Variants in GNL3L observed in about 807,000 individuals in gnomAD.
The protein encoded by GNL3L is G protein nucleolar 3 like.
In GNL3L, 4 loss-of-function variants were observed where a neutral mutation model predicts 42.9. The observed-to-expected ratio is 0.09, with a 90% CI of 0.05 to 0.21. The LOEUF is 0.21. Ranked by LOEUF, GNL3L falls within the 10% of genes least tolerant of loss-of-function variation. The pLI is 1.00. For missense variants in GNL3L, 412 were observed against 481.7 expected (o/e 0.86, Z 1.36); for synonymous variants, 159 against 176.3 (o/e 0.90, Z 0.78).
intron 9 of GNL3L, among the ~76,000 whole-genome samples, chrX:54,548,924 C>T (rs961800160): frequency 2.7e-5 from 3 of 110,984 alleles, no homozygotes; most frequent in East Asian, 5.7e-4. Flanking sequence ...ACACAGAGAA[C>T]GCACTGGGAA....
In GNL3L at chrX:54,562,794, GAA is replaced by G. The variant is rs375010796; in HGVS notation, c.*2206_*2207del. On this transcript the variant is annotated 3_prime_UTR_variant, in exon 16 of 16. Transcript: ENST00000360845. The stretch of plus-strand genomic sequence containing the variant: ...GGGGACAGAGTGAGACTTCGTCTCG[GAA>G]AAAAAAAAAAAAAGTTGACAGGATG... Among the ~76,000 whole-genome samples the G allele has an allele frequency of 7.4e-5, 7 of 94,387 alleles. No individual in the cohort carries two copies. Among genetic ancestry groups the G allele is most frequent in the Non-Finnish European group, 8.6e-5 (4 of 46,708 alleles). The allele number at this position is 94,387 out of a possible 115,157, so 82.0% of individuals were successfully genotyped here. A position where few individuals can be genotyped will look rare whatever the true frequency, so the allele number is the denominator to read the frequency against.
chrX:54,552,042 T>G, intron 12 of GNL3L, 68 bp downstream of exon 12: 2 of 1,122,495 alleles, frequency 1.8e-6, no homozygotes, highest in Non-Finnish European at 2.4e-6. Context: ...GGCTCATCTG[T>G]GCTCATTGCC....
the GNL3L span, among the ~76,000 whole-genome samples, chrX:54,638,220 G>A: frequency 9.0e-6 from 1 of 110,941 alleles, no homozygotes; most frequent in African/African-American, 3.3e-5. Context: ...GATCACATGA[G>A]GCCACAAACA....
chrX:54,626,802 G>A, the GNL3L span, among the ~76,000 whole-genome samples: 5 of 111,596 alleles, frequency 4.5e-5, no homozygotes, highest in African/African-American at 1.6e-4. Context: ...GTTGCCATTT[G>A]TATGTCTTCT....
At chrX:54,530,634 TAGTG>T (rs1206544433) in intron 1 of GNL3L, among the ~76,000 whole-genome samples, 1 of 111,789 alleles carries the variant, frequency 8.9e-6, no homozygotes, top group Non-Finnish European at 1.9e-5. Context: ...GTCCTCAAGA[TAGTG>T]AGGCTTCATT....
intron 16 of GNL3L, among the ~76,000 whole-genome samples, chrX:54,572,701 C>T (rs986967771): frequency 2.0e-4 from 22 of 110,633 alleles, no homozygotes; most frequent in African/African-American, 6.9e-4. Context: ...CCCCACCTCC[C>T]TCCCGGACAG....
chrX:54,595,659 A>G (rs1037425607), intron 16 of GNL3L, among the ~76,000 whole-genome samples: 2 of 111,624 alleles, frequency 1.8e-5, no homozygotes, highest in Non-Finnish European at 3.8e-5. Context: ...TTTAAGGCCA[A>G]TAACTCTTAG....
chrX:54,630,760 C>T, the GNL3L span, among the ~76,000 whole-genome samples: 1 of 82,034 alleles, frequency 1.2e-5, no homozygotes, highest in Non-Finnish European at 2.2e-5. Context: ...CCCTTTCTTT[C>T]CCTTTCTTTC....
At chrX:54,549,619 A>C (rs778242538) in intron 9 of GNL3L, among the ~76,000 whole-genome samples, 1 of 112,408 alleles carries the variant, frequency 8.9e-6, no homozygotes, top group South Asian at 3.7e-4. Flanking sequence ...GAATCGCTTA[A>C]ATCTGGGAGG....
chrX:54,543,169 C>G (rs780869410), intron 6 of GNL3L, 38 bp from the exon 7 acceptor site: 1 of 1,198,111 alleles, frequency 8.3e-7, no homozygotes, highest in South Asian at 1.8e-5. Flanking sequence ...CTACCCTATC[C>G]TTTTCCTGCC....
At chrX:54,532,429 TTAA>T in intron 1 of GNL3L, 88 bp from the exon 2 acceptor site, 1 of 543,102 alleles carries the variant, frequency 1.8e-6, no homozygotes, top group South Asian at 2.9e-5. Flanking sequence ...ATAATGTTCT[TTAA>T]CATTTTACCT....
chrX:54,552,155 A>T, intron 12 of GNL3L, 137 bp from the exon 13 acceptor site: 1 of 796,638 alleles, frequency 1.3e-6, no homozygotes, highest in East Asian at 3.2e-5. Flanking sequence ...CAGCAACTCA[A>T]CTCCTTCTTG....
chrX:54,579,368 C>T (rs1365773511), intron 16 of GNL3L, among the ~76,000 whole-genome samples: 1 of 111,451 alleles, frequency 9.0e-6, no homozygotes, highest in African/African-American at 3.3e-5. Context: ...ATTACCATTT[C>T]AATTTCTTAT....
At position 54,592,400 on chromosome X, in the gene GNL3L, A is replaced by G. The variant is rs184156875; in HGVS notation, c.*46-28445A>G. ...CTTGCTGTGTTCCAGATCTCGCAGG[A>G]AAGGCTTTCAGTTTTTCCCCATTCA... On this transcript the variant is annotated intron_variant, in intron 16 of 16. Transcript: ENST00000674498. 1.2e-3 allele frequency among the ~76,000 whole-genome samples: 137 copies of G among 112,260 alleles called. 1 individual carries two copies. The highest frequency in any genetic ancestry group is 4.4e-3 in the African/African-American group (135 of 30,924).
At position 54,562,616 on chromosome X, in the gene GNL3L, A is replaced by G. The variant is rs1925302795; in HGVS notation, c.*2014A>G. Among the ~76,000 whole-genome samples the G allele has an allele frequency of 9.0e-6, 1 of 110,506 alleles. No individual in the cohort carries two copies. The highest frequency in any genetic ancestry group is 1.9e-5 in the Non-Finnish European group (1 of 52,858). ...TGCTAGTAAGGGATTCGTCTCCCCA[A>G]ATGAAAAAAAAAAGTAATCTCAGAA... On this transcript the variant is annotated 3_prime_UTR_variant, in exon 16 of 16. Coordinates refer to ENST00000360845, the MANE Select transcript of GNL3L (RefSeq NM_001184819.2).
intron 16 of GNL3L, among the ~76,000 whole-genome samples, chrX:54,604,581 T>C (rs1242336756): frequency 1.8e-5 from 2 of 111,784 alleles, no homozygotes; most frequent in East Asian, 5.6e-4. Flanking sequence ...GAGGTGGGAA[T>C]GAGCTTGGGA....
At chrX:54,607,044 C>CTT (rs768390147) in intron 16 of GNL3L, among the ~76,000 whole-genome samples, 1 of 64,863 alleles carries the variant, frequency 1.5e-5, no homozygotes, top group Non-Finnish European at 2.6e-5. Flanking sequence ...TTCTTTCTTT[C>CTT]TTTCTTTCTT....
rs757334875 is a variant in GNL3L, at chrX:54,566,421, A to G, written c.*5819A>G. On this transcript the variant is annotated 3_prime_UTR_variant, in exon 16 of 16. Coordinates refer to ENST00000360845, the MANE Select transcript of GNL3L (RefSeq NM_001184819.2). ...ATATGTGTGCATGTGTCTTTATGGC[A>G]GAATGATTTATATTATGCATAACCA... Among the ~76,000 whole-genome samples, 15 of 111,808 alleles carry G rather than the reference A, an allele frequency of 1.3e-4. No individual in the cohort carries two copies. Among genetic ancestry groups the G allele is most frequent in the Non-Finnish European group, 2.4e-4 (13 of 53,220 alleles).
chrX:54,550,449 CG>C (rs988172419), intron 9 of GNL3L, among the ~76,000 whole-genome samples: 9 of 111,017 alleles, frequency 8.1e-5, no homozygotes, highest in African/African-American at 2.9e-4. Flanking sequence ...AGAAAGAGAA[CG>C]GTGAGAATGA....
Sources: allele counts gnomAD v4.1 joint callset (sites outside exome capture counted in the v4.1 genomes callset), GRCh38; gene constraint gnomAD v4.1.1; transcripts MANE v1.5; gene names NCBI Gene and HGNC (gene_info 2026-07-23, HGNC 2026-07-21).